The following ITSN1 variants were observed in gnomAD, a reference collection of about 807,000 sequenced individuals.
ITSN1 encodes intersectin-1.
Under a neutral mutation model 239.8 loss-of-function variants are expected in ITSN1, and 58 were observed. That is an observed-to-expected ratio of 0.24 (90% CI 0.20 to 0.30). The LOEUF (loss-of-function observed/expected upper bound fraction) is 0.30. ITSN1 is among the 10% of genes least tolerant of loss of function. ITSN1 has a pLI of 1.00. For missense variants in ITSN1, 1,558 were observed against 2,103.3 expected, an observed-to-expected ratio of 0.74 and a Z score of 5.07; for synonymous variants, 780 against 770.8, an observed-to-expected ratio of 1.01 and a Z score of -0.20.
chr21:33,817,801 C>T (rs2073390457), intron 22 of ITSN1: 1 of 460,856 alleles, frequency 2.2e-6, no homozygotes, highest in South Asian at 2.3e-5. Flanking sequence ...CCAGATAGGG[C>T]CTATTTCCCT....
At position 33,781,482 on chromosome 21, in the gene ITSN1, A is replaced by G. The variant is rs747858345; in HGVS notation, c.1618A>G (p.Arg540Gly). ...CCAGGAATCTCAGCAAATGCTTGGA[A>G]GACTTATTCCAGAAAAACAGATACT... Reference protein sequence around the residue: ...QLQESQQMLGRLIPEKQILND... With the variant: ...QLQESQQMLGGLIPEKQILND... The change falls in exon 15 of 40, where the codon AGA becomes GGA. Residue 540 changes from arginine (R) to glycine (G), a missense_variant. By Grantham distance (125) the Arg-to-Gly change is moderately radical. Around this residue, in one of 2 missense-constraint regions of ITSN1, gnomAD observed 982 missense variants for 1,209.9 expected, o/e 0.81. Coordinates refer to ENST00000381318, the MANE Select transcript of ITSN1 (RefSeq NM_003024.3). The G allele has an allele frequency of 6.3e-7, 1 of 1,596,374 alleles. No homozygotes were observed. The highest frequency in any genetic ancestry group is 1.7e-5 in the Admixed American group (1 of 58,222).
intron 1 of ITSN1, among the ~76,000 whole-genome samples, chr21:33,676,178 T>C (rs1042021986): frequency 1.3e-5 from 2 of 152,030 alleles, no homozygotes; most frequent in Non-Finnish European, 2.9e-5. Context: ...AAACGGGGTT[T>C]CACCACGTTG....
At chr21:33,748,572 A>G (rs2147439522) in intron 5 of ITSN1, among the ~76,000 whole-genome samples, 1 of 151,974 alleles carries the variant, frequency 6.6e-6, no homozygotes, top group South Asian at 2.1e-4. Flanking sequence ...AGACATGGTG[A>G]CTCACGCTTG....
At position 33,740,279 on chromosome 21, in the gene ITSN1, T is replaced by C. The variant is rs74367526; in HGVS notation, c.346+5075T>C. 7.2e-3 allele frequency among the ~76,000 whole-genome samples: 1,095 copies of C among 152,096 alleles called. 14 individuals are homozygous for C. Among genetic ancestry groups the C allele is most frequent in the African/African-American group, 0.025 (1,043 of 41,460 alleles). ...GAAGGATCGATCAGCTCTGGGGCAGTTTGGATATGGAGAGCATGTCTTAGG... is the reference window on the plus strand; with the variant it reads ...GAAGGATCGATCAGCTCTGGGGCAGCTTGGATATGGAGAGCATGTCTTAGG... On this transcript the variant is annotated intron_variant, in intron 5 of 39. Coordinates refer to ENST00000381318, the MANE Select transcript of ITSN1 (RefSeq NM_003024.3).
At chr21:33,859,140 G>A (rs1436778482) in intron 31 of ITSN1, among the ~76,000 whole-genome samples, 1 of 152,188 alleles carries the variant, frequency 6.6e-6, no homozygotes, top group Non-Finnish European at 1.5e-5. Flanking sequence ...CTTTCCCTCG[G>A]ACGCGGGATC....
intron 16 of ITSN1, among the ~76,000 whole-genome samples, chr21:33,783,560 A>C (rs1336543120): frequency 1.3e-5 from 2 of 152,096 alleles, no homozygotes; most frequent in Non-Finnish European, 2.9e-5. Flanking sequence ...GTGGTATGTC[A>C]GTATTGGAAG....
intron 1 of ITSN1, among the ~76,000 whole-genome samples, chr21:33,654,034 TTCTC>T (rs1026840118): frequency 6.6e-6 from 1 of 151,880 alleles, no homozygotes; most frequent in Admixed American, 6.6e-5. Flanking sequence ...TCCTTCCTCT[TTCTC>T]TTTCTTTCTC....
intron 1 of ITSN1, among the ~76,000 whole-genome samples, chr21:33,690,799 ATATATATATATATATG>A (rs1306890122): frequency 0.021 from 496 of 24,098 alleles, 106 homozygotes; most frequent in African/African-American, 0.029. Context: ...ACATATATAT[ATATATATATATATATG>A]TATATATATA....
chr21:33,788,911 C>T (rs1013056308), intron 16 of ITSN1, among the ~76,000 whole-genome samples: 5 of 151,828 alleles, frequency 3.3e-5, no homozygotes, highest in South Asian at 2.1e-4. Flanking sequence ...TGTGAGTAGC[C>T]GCTGTACTCC....
chr21:33,655,041 G>A (rs983909641), intron 1 of ITSN1, among the ~76,000 whole-genome samples: 8 of 151,782 alleles, frequency 5.3e-5, no homozygotes, highest in African/African-American at 1.5e-4. Flanking sequence ...TATGTCTAGG[G>A]ACGTTGTGAA....
intron 22 of ITSN1, 79 bp downstream of exon 22, chr21:33,814,151 G>A: frequency 6.9e-7 from 1 of 1,450,518 alleles, no homozygotes; most frequent in African/African-American, 1.4e-5. Flanking sequence ...TTTTGGCAAT[G>A]TCATTTTGAA....
intron 20 of ITSN1, among the ~76,000 whole-genome samples, chr21:33,807,019 A>G (rs2072507647): frequency 6.6e-6 from 1 of 152,238 alleles, no homozygotes; most frequent in Admixed American, 6.5e-5. Context: ...GTTAAGAATG[A>G]AAGTCTCTTA....
At position 33,867,342 on chromosome 21, in the gene ITSN1, G is replaced by GT. The variant is rs1981778728; in HGVS notation, c.4173+12dup. 6.6e-7 allele frequency: 1 copy of GT among 1,518,784 alleles called. No individual in the cohort carries two copies. The highest frequency in any genetic ancestry group is 1.4e-5 in the African/African-American group (1 of 73,158). 94.1% of individuals were successfully genotyped at this position (1,518,784 alleles called of 1,614,324 possible). ...CTGATCATTAAAAATGTAAGTACCT[G>GT]TCTTGCCTTTTCAAGCAGGGGACGG... On this transcript the variant is annotated intron_variant, in intron 33 of 39. Coordinates refer to ENST00000381318, the MANE Select transcript of ITSN1 (RefSeq NM_003024.3).
rs984254162 is a variant in ITSN1 at position 33,896,553 on chromosome 21, T to G, written c.*8253T>G. On this transcript the variant is annotated 3_prime_UTR_variant, in exon 40 of 40. Coordinates refer to ENST00000381318, the MANE Select transcript of ITSN1 (RefSeq NM_003024.3). ...GGCCACACGATCTGGTCTGCGGGTG[T>G]CTGGGAGGAACCTGCTTCGGAGAGG... 3 of 152,250 alleles carry G rather than the reference T, an allele frequency of 2.0e-5. No homozygotes were observed. The highest frequency in any genetic ancestry group is 4.4e-5 in the Non-Finnish European group (3 of 68,082). 9.4% of individuals were successfully genotyped at this position (152,250 alleles called of 1,614,324 possible).
intron 1 of ITSN1, among the ~76,000 whole-genome samples, chr21:33,707,586 G>A (rs897876866): frequency 3.3e-5 from 5 of 152,048 alleles, no homozygotes; most frequent in African/African-American, 1.2e-4. Context: ...CCACTGATGG[G>A]GTTTTTGTCA....
rs1467475110 is a variant in ITSN1, at chr21:33,890,189, C to T, written c.*1889C>T. 6.6e-6 allele frequency: 1 copy of T among 152,168 alleles called. No homozygotes were observed. Among genetic ancestry groups the T allele is most frequent in the East Asian group, 1.9e-4 (1 of 5,200 alleles). The allele number at this position is 152,168 out of a possible 1,614,324, so 9.4% of individuals were successfully genotyped here. A position where few individuals can be genotyped will look rare whatever the true frequency, so the allele number is the denominator to read the frequency against. On this transcript the variant is annotated 3_prime_UTR_variant, in exon 40 of 40. Coordinates refer to ENST00000381318, the MANE Select transcript of ITSN1 (RefSeq NM_003024.3). ...AAATAGACATGCAACTCATGCTTTC[C>T]TATTTCTATAACCAACACCGTTTGT... is the stretch of plus-strand genomic sequence containing the variant.
intron 1 of ITSN1, among the ~76,000 whole-genome samples, chr21:33,710,791 G>T (rs1257819992): frequency 6.6e-6 from 1 of 150,408 alleles, no homozygotes; most frequent in Non-Finnish European, 1.5e-5. Flanking sequence ...GCTTTCTTTT[G>T]GGGGAAGTTT....
At chr21:33,887,258 G>A (rs926141763) in intron 39 of ITSN1, among the ~76,000 whole-genome samples, 2 of 151,722 alleles carry the variant, frequency 1.3e-5, no homozygotes, top group Middle Eastern at 3.4e-3. Context: ...GGTCGAGGCT[G>A]CAGTGAGCCA....
chr21:33,843,952 T>C (rs777400344), intron 29 of ITSN1, among the ~76,000 whole-genome samples: 1 of 152,258 alleles, frequency 6.6e-6, no homozygotes, highest in African/African-American at 2.4e-5. Flanking sequence ...GTGAGCATCA[T>C]GGAATCCAAT....
Sources: allele counts gnomAD v4.1 joint callset (sites outside exome capture counted in the v4.1 genomes callset), GRCh38; gene constraint gnomAD v4.1.1; regional missense constraint gnomAD v4.1.1; transcripts MANE v1.5; gene names NCBI Gene and HGNC (gene_info 2026-07-23, HGNC 2026-07-21).